Variants in GSAP observed in about 807,000 individuals in gnomAD.
GSAP encodes the protein gamma-secretase activating protein.
In GSAP, 118 loss-of-function variants were observed where a neutral mutation model predicts 131.7. That is an observed-to-expected ratio of 0.90 (90% CI 0.77 to 1.04). The LOEUF (loss-of-function observed/expected upper bound fraction) is 1.04, where lower values mean the gene tolerates loss of function less well. Ranked by LOEUF, GSAP falls within the 50% of genes least tolerant of loss-of-function variation. The pLI is 0.00. For missense variants in GSAP, 1,019 were observed against 1,013.2 expected, an observed-to-expected ratio of 1.01 and a Z score of -0.08; for synonymous variants, 381 against 363.4, an observed-to-expected ratio of 1.05 and a Z score of -0.55.
chr7:77,350,190 G>A (rs1380960081), intron 18 of GSAP, among the ~76,000 whole-genome samples: 2 of 144,584 alleles, frequency 1.4e-5, no homozygotes, highest in African/African-American at 2.6e-5. Context: ...ACCAAACACT[G>A]CATGTTCTCA....
At chr7:77,376,015 C>T (rs1373308576) in intron 10 of GSAP, among the ~76,000 whole-genome samples, 2 of 152,008 alleles carry the variant, frequency 1.3e-5, no homozygotes, top group Non-Finnish European at 2.9e-5. Context: ...GAACACAATG[C>T]TAACATTCCA....
chr7:77,396,225 A>T (rs902826783), intron 5 of GSAP, among the ~76,000 whole-genome samples: 4 of 152,122 alleles, frequency 2.6e-5, no homozygotes, highest in East Asian at 1.9e-4. Flanking sequence ...AAAGAAAAAA[A>T]ATATTTCTTG....
chr7:77,319,835 C>T (rs1787383346), intron 26 of GSAP, among the ~76,000 whole-genome samples: 1 of 152,138 alleles, frequency 6.6e-6, no homozygotes, highest in Non-Finnish European at 1.5e-5. Flanking sequence ...AGTAGTCAAA[C>T]TCATAGACAC....
intron 5 of GSAP, among the ~76,000 whole-genome samples, chr7:77,395,823 T>C (rs554742271): frequency 6.6e-6 from 1 of 152,276 alleles, no homozygotes; most frequent in South Asian, 2.1e-4. Context: ...GAGTGGGAAC[T>C]ATGCTAACAA....
intron 19 of GSAP, among the ~76,000 whole-genome samples, chr7:77,337,310 G>A (rs1323087204): frequency 2.7e-5 from 4 of 149,990 alleles, no homozygotes; most frequent in African/African-American, 7.4e-5. Context: ...GTGGGGGGGG[G>A]GTTACAGGCG....
chr7:77,382,507 A>G, intron 7 of GSAP, 67 bp downstream of exon 7: 1 of 832,658 alleles, frequency 1.2e-6, no homozygotes, highest in African/African-American at 1.7e-5. Context: ...AGATTCAATC[A>G]TGTACCACAC....
chr7:77,407,873 G>A (rs1297667759), intron 1 of GSAP, among the ~76,000 whole-genome samples: 1 of 152,132 alleles, frequency 6.6e-6, no homozygotes, highest in African/African-American at 2.4e-5. Flanking sequence ...TCCATTAAGT[G>A]AAGAATGAAT....
chr7:77,406,741 T>C (rs754777748), intron 1 of GSAP, among the ~76,000 whole-genome samples: 16 of 152,228 alleles, frequency 1.1e-4, no homozygotes, highest in Non-Finnish European at 2.4e-4. Flanking sequence ...AGCACAGATA[T>C]GGAGCTCTCT....
chr7:77,351,534 C>T, intron 18 of GSAP: 1 of 984,420 alleles, frequency 1.0e-6, no homozygotes, highest in Non-Finnish European at 1.2e-6. Context: ...TTTAAGGTAA[C>T]CTAGTCCAAC....
intron 5 of GSAP, among the ~76,000 whole-genome samples, chr7:77,392,718 C>T (rs1292494374): frequency 6.6e-6 from 1 of 152,188 alleles, no homozygotes; most frequent in African/African-American, 2.4e-5. Context: ...CAGGCACATG[C>T]TGTGAAATGG....
Position 77,349,411 on chromosome 7 carries a change from T to TG in GSAP, c.1492-8dup, listed in dbSNP as rs1313581904. 1.2e-6 allele frequency: 2 copies of TG among 1,611,282 alleles called. No individual in the cohort carries two copies. The highest frequency in any genetic ancestry group is 1.7e-6 in the Non-Finnish European group (2 of 1,178,384). On this transcript the variant is annotated splice_region_variant and splice_polypyrimidine_tract_variant and intron_variant, in intron 18 of 30. Coordinates refer to ENST00000257626, the MANE Select transcript of GSAP (RefSeq NM_017439.4). ...GAGTTATTCCAGGAATTTCCTATAG[T>TG]GGGGAAAAACACACACACACAGCTG... is the stretch of plus-strand genomic sequence containing the variant.
rs200828405 is a variant in GSAP at position 77,311,928 on chromosome 7, T to C, written c.2386A>G (p.Met796Val). ...QNYKKQPRNSMINKSSFSVEF... is the reference protein window; with the variant it reads ...QNYKKQPRNSVINKSSFSVEF... ...ACACTGAACGATGACTTGTTAATCA[T>C]AGAATTCCGAGGCTAAAAGGGAAAC... The change falls in exon 30 of 31, where the codon ATG becomes GTG. Residue 796 changes from methionine to valine, a missense_variant. Transcript: ENST00000257626. The C allele has an allele frequency of 8.9e-5, 141 of 1,592,056 alleles. No homozygotes were observed. In the African/African-American group the frequency reaches 1.5e-3, roughly 17 times the overall value.
chr7:77,356,384 T>C (rs1054931734), intron 14 of GSAP, among the ~76,000 whole-genome samples: 2 of 152,214 alleles, frequency 1.3e-5, no homozygotes, highest in African/African-American at 4.8e-5. Context: ...ATAGCCTATA[T>C]TGGGAATTTT....
At chr7:77,340,546 C>T (rs1314114033) in intron 19 of GSAP, among the ~76,000 whole-genome samples, 1 of 152,192 alleles carries the variant, frequency 6.6e-6, no homozygotes, top group Non-Finnish European at 1.5e-5. Context: ...TTTCCAGCCT[C>T]TCTTGCTACC....
intron 12 of GSAP, among the ~76,000 whole-genome samples, chr7:77,367,083 A>G (rs1374895053): frequency 6.6e-6 from 1 of 152,208 alleles, no homozygotes; most frequent in African/African-American, 2.4e-5. Flanking sequence ...TTGTATCCTG[A>G]AAGTTTGCTG....
intron 14 of GSAP, among the ~76,000 whole-genome samples, chr7:77,359,382 C>T (rs1342181931): frequency 1.3e-5 from 2 of 152,056 alleles, no homozygotes; most frequent in African/African-American, 4.8e-5. Context: ...ATACACTATT[C>T]ATTAAATAAA....
Position 77,328,261 on chromosome 7 carries a change from C to T in GSAP, c.1765+345G>A, listed in dbSNP as rs187656976. The T allele has an allele frequency of 9.4e-5, 100 of 1,060,882 alleles. No individual in the cohort carries two copies. The East Asian group carries it at 5.4e-3, about 57-fold the overall frequency. 65.7% of individuals were successfully genotyped at this position (1,060,882 alleles called of 1,614,324 possible). A position where few individuals can be genotyped will look rare whatever the true frequency, so the allele number is the denominator to read the frequency against. ...CAAGGCAAGACCCGGTAGGATCAGA[C>T]AGCTAGAAAGCAAGCAGCACCAAGC... On this transcript the variant is annotated intron_variant, in intron 22 of 30. Transcript: ENST00000257626.
At chr7:77,361,921 C>G (rs1348978345) in intron 13 of GSAP, among the ~76,000 whole-genome samples, 1 of 152,138 alleles carries the variant, frequency 6.6e-6, no homozygotes, top group African/African-American at 2.4e-5. Context: ...ATCATGGATG[C>G]TTTTAACTGA....
At chr7:77,382,674 G>A in intron 6 of GSAP, 31 bp from the exon 7 acceptor site, 1 of 1,185,666 alleles carries the variant, frequency 8.4e-7, no homozygotes, top group Non-Finnish European at 1.3e-6. Flanking sequence ...ATAATTGTAA[G>A]CAACTATCTT....
Sources: allele counts gnomAD v4.1 joint callset (sites outside exome capture counted in the v4.1 genomes callset), GRCh38; gene constraint gnomAD v4.1.1; transcripts MANE v1.5; gene names NCBI Gene and HGNC (gene_info 2026-07-23, HGNC 2026-07-21).